Variants in APOD observed in about 807,000 individuals in gnomAD.
APOD encodes the protein apolipoprotein D.
A neutral mutation model predicts 20.4 loss-of-function variants in APOD; 22 were observed. The ratio of observed to expected loss-of-function variants is 1.08; its 90% CI spans 0.77 to 1.54. The LOEUF (loss-of-function observed/expected upper bound fraction) is 1.54, where lower values mean the gene tolerates loss of function less well. APOD is among the 40% of genes most tolerant of loss of function. The probability of loss-of-function intolerance (pLI) is 0.00; values close to 1 mark genes in which losing one functional copy is unlikely to be tolerated. For missense variants in APOD, 223 were observed against 229.6 expected (o/e 0.97, Z 0.19); for synonymous variants, 97 against 92.4 (o/e 1.05, Z -0.29).
intron 2 of APOD, among the ~76,000 whole-genome samples, chr3:195,578,568 C>G (rs1035119847): frequency 6.6e-6 from 1 of 152,170 alleles, no homozygotes; most frequent in Non-Finnish European, 1.5e-5. Flanking sequence ...TTCTGCCGCC[C>G]TCTTCCTTCC....
At chr3:195,573,541 G>C (rs928366936) in intron 3 of APOD, among the ~76,000 whole-genome samples, 1 of 152,216 alleles carries the variant, frequency 6.6e-6, no homozygotes. Context: ...AGATGGTGTC[G>C]AAGCGGCTTC....
rs1560046832 is a variant in APOD at position 195,579,438 on chromosome 3, A to AAGCAGC, written c.18_23dup (p.Leu7_Leu8dup). 1.2e-6 allele frequency: 2 copies of AAGCAGC among 1,613,806 alleles called. No homozygotes were observed. The highest frequency in any genetic ancestry group is 1.7e-5 in the Admixed American group (1 of 60,028). ...CACCGAAGAGGCCAGCCAGTGCGGA[A>AAGCAGC]AGCAGCAGCAGCAGCATCACCATCT... is the stretch of plus-strand genomic sequence containing the variant. On this transcript the variant is annotated inframe_insertion, in exon 2 of 5. Transcript: ENST00000343267.
chr3:195,582,227 ACTC>A (rs1720351338), intron 1 of APOD, among the ~76,000 whole-genome samples: 1 of 151,706 alleles, frequency 6.6e-6, no homozygotes, highest in African/African-American at 2.4e-5. Context: ...CAACAAAAAA[ACTC>A]CTTGTGAGAG....
In APOD at chr3:195,579,513, A is replaced by G; in HGVS notation, c.-34-18T>C. On this transcript the variant is annotated intron_variant, in intron 1 of 4. Transcript: ENST00000343267. ...ACCTGGAGCTGCGGGAACGCAAAGCAGCTGGGGTTGTCATTCTGAGCCTTC... is the reference window on the plus strand; with the variant it reads ...ACCTGGAGCTGCGGGAACGCAAAGCGGCTGGGGTTGTCATTCTGAGCCTTC... 1 of 1,600,526 alleles carries G rather than the reference A, an allele frequency of 6.2e-7. No homozygotes were observed. Among genetic ancestry groups the G allele is most frequent in the Non-Finnish European group, 8.5e-7 (1 of 1,178,186 alleles).
intron 4 of APOD, 81 bp downstream of exon 4, chr3:195,571,196 G>A (rs1007609626): frequency 1.7e-6 from 2 of 1,203,018 alleles, no homozygotes; most frequent in Admixed American, 1.7e-5. Context: ...AGGTGTCTCA[G>A]GAATTCTCCA....
At chr3:195,582,353 A>T (rs546179869) in intron 1 of APOD, among the ~76,000 whole-genome samples, 1 of 152,368 alleles carries the variant, frequency 6.6e-6, no homozygotes, top group African/African-American at 2.4e-5. Context: ...CATATGGATT[A>T]TATACGACAT....
intron 1 of APOD, among the ~76,000 whole-genome samples, chr3:195,581,257 C>G (rs28668826): frequency 0.43 from 65,107 of 151,980 alleles, 14,749 homozygotes; most frequent in African/African-American, 0.57. Flanking sequence ...GCAAGTCTGC[C>G]ACAGGGCCAC....
chr3:195,580,049 T>G (rs1403111953), intron 1 of APOD, among the ~76,000 whole-genome samples: 1 of 152,182 alleles, frequency 6.6e-6, no homozygotes, highest in East Asian at 1.9e-4. Context: ...AGAGTGCGCT[T>G]GGAAACCTTA....
intron 1 of APOD, among the ~76,000 whole-genome samples, chr3:195,581,567 G>A (rs7614105): frequency 0.23 from 34,908 of 151,998 alleles, 4,192 homozygotes; most frequent in Non-Finnish European, 0.27. Flanking sequence ...AGATGGGGAA[G>A]CTGGGGCCTG....
chr3:195,580,368 C>CTTTTTTTTTTTT, intron 1 of APOD, among the ~76,000 whole-genome samples: 3 of 140,654 alleles, frequency 2.1e-5, no homozygotes, highest in Middle Eastern at 3.6e-3. Context: ...TTTCTTTCTT[C>CTTTTTTTTTTTT]TTTTTTTTTT....
At chr3:195,572,071 G>A (rs939474862) in intron 3 of APOD, among the ~76,000 whole-genome samples, 2 of 152,216 alleles carry the variant, frequency 1.3e-5, no homozygotes, top group African/African-American at 2.4e-5. Context: ...GTGAGCCGCC[G>A]TGCCTGGCAG....
At chr3:195,575,398 G>T (rs543414406) in intron 2 of APOD, among the ~76,000 whole-genome samples, 9 of 152,254 alleles carry the variant, frequency 5.9e-5, no homozygotes, top group African/African-American at 2.2e-4. Flanking sequence ...CATTCACAAG[G>T]TTAGGGCGTG....
At chr3:195,583,350 C>T (rs1275616286) in intron 1 of APOD, 1 of 152,186 alleles carries the variant, frequency 6.6e-6, no homozygotes, top group African/African-American at 2.4e-5. Flanking sequence ...TGAAATTTCA[C>T]CTCATAAAAT....
chr3:195,568,866 C>T lies in APOD; in HGVS notation c.*34G>A, dbSNP rs772547403. On this transcript the variant is annotated 3_prime_UTR_variant, in exon 5 of 5. Coordinates refer to ENST00000343267, the MANE Select transcript of APOD (RefSeq NM_001647.4). ...GTAGGGGAAAGCGAAGCAGAAGTAA[C>T]ATGGAGTGGGTGCAGCCTCCCTGTA... The T allele has an allele frequency of 6.8e-7, 1 of 1,475,210 alleles. No individual in the cohort carries two copies. The highest frequency in any genetic ancestry group is 1.1e-5 in the South Asian group (1 of 87,952). 91.4% of individuals were successfully genotyped at this position (1,475,210 alleles called of 1,614,324 possible).
intron 1 of APOD, chr3:195,583,348 C>A (rs1263935196): frequency 6.6e-6 from 1 of 152,202 alleles, no homozygotes; most frequent in Non-Finnish European, 1.5e-5. Flanking sequence ...TTTGAAATTT[C>A]ACCTCATAAA....
chr3:195,571,462 G>A, intron 3 of APOD, 97 bp from the exon 4 acceptor site: 1 of 1,136,724 alleles, frequency 8.8e-7, no homozygotes, highest in South Asian at 1.4e-5. Context: ...CAAGATTTGT[G>A]CCACTAAGGA....
At position 195,579,361 on chromosome 3, in the gene APOD, T is replaced by C. The variant is rs764102054; in HGVS notation, c.101A>G (p.Gln34Arg). 2 of 1,614,232 alleles carry C rather than the reference T, an allele frequency of 1.2e-6. No individual in the cohort carries two copies. Among genetic ancestry groups the C allele is most frequent in the Admixed American group, 3.3e-5 (2 of 60,030 alleles). ...HLGKCPNPPVQENFDVNKYLG... is the reference protein window; with the variant it reads ...HLGKCPNPPVRENFDVNKYLG... ...TACCTTATTCACGTCAAAATTCTCC[T>C]GCACCGGAGGATTGGGGCACTTCCC... Residue 34 changes from glutamine to arginine, a missense_variant, in exon 2 of 5, where the codon CAG (glutamine) becomes CGG (arginine). By Grantham distance (43) the Gln-to-Arg change is conservative. Coordinates refer to ENST00000343267, the MANE Select transcript of APOD (RefSeq NM_001647.4).
intron 2 of APOD, among the ~76,000 whole-genome samples, chr3:195,577,849 T>C (rs1198620255): frequency 6.6e-6 from 1 of 152,228 alleles, no homozygotes; most frequent in Non-Finnish European, 1.5e-5. Context: ...ATATGCAGAA[T>C]AGGCAAATTC....
At chr3:195,578,615 G>C (rs1475653001) in intron 2 of APOD, among the ~76,000 whole-genome samples, 1 of 152,058 alleles carries the variant, frequency 6.6e-6, no homozygotes, top group African/African-American at 2.4e-5. Context: ...ACCATCTATG[G>C]AGGAGCTCGT....
Sources: allele counts gnomAD v4.1 joint callset (sites outside exome capture counted in the v4.1 genomes callset), GRCh38; gene constraint gnomAD v4.1.1; transcripts MANE v1.5; gene names NCBI Gene and HGNC (gene_info 2026-07-23, HGNC 2026-07-21).